Variants in UBR1 observed in about 807,000 individuals in gnomAD.
The protein encoded by UBR1 is E3 ubiquitin-protein ligase UBR1.
In UBR1, 102 loss-of-function variants were observed where a neutral mutation model predicts 242.1. The observed-to-expected ratio is 0.42, with a 90% CI of 0.36 to 0.50. UBR1 has a LOEUF of 0.50. UBR1 is among the 20% of genes least tolerant of loss of function. The pLI is 0.01. For missense variants in UBR1, 1,772 were observed against 2,101.8 expected (o/e 0.84, Z 3.07); for synonymous variants, 675 against 684.8 (o/e 0.99, Z 0.22).
intron 3 of UBR1, among the ~76,000 whole-genome samples, chr15:43,078,621 A>G (rs1398653100): frequency 1.3e-5 from 2 of 152,224 alleles, no homozygotes; most frequent in Non-Finnish European, 2.9e-5. Flanking sequence ...CATGGAGTCA[A>G]ACAAGCATTT....
intron 1 of UBR1, among the ~76,000 whole-genome samples, chr15:43,105,164 T>C (rs373767321): frequency 2.0e-5 from 3 of 152,210 alleles, no homozygotes; most frequent in Non-Finnish European, 2.9e-5. Flanking sequence ...CGGTGACAGA[T>C]ATTTGAATAT....
At chr15:43,036,034 C>T in intron 19 of UBR1, 144 bp downstream of exon 19, 2 of 619,156 alleles carry the variant, frequency 3.2e-6, no homozygotes, top group Non-Finnish European at 5.6e-6. Flanking sequence ...ACATATGTAA[C>T]TAACCTGCAC....
chr15:43,059,558 A>T (rs2033657448), intron 8 of UBR1, 144 bp downstream of exon 8: 1 of 986,772 alleles, frequency 1.0e-6, no homozygotes, highest in African/African-American at 1.7e-5. Flanking sequence ...TTTGAAATGC[A>T]ACCCTGAAAA....
At chr15:43,103,856 G>C (rs1245329620) in intron 1 of UBR1, among the ~76,000 whole-genome samples, 2 of 152,164 alleles carry the variant, frequency 1.3e-5, no homozygotes, top group African/African-American at 4.8e-5. Context: ...TAACAGCAAA[G>C]TAGTAAACTT....
rs546899002 is a variant in UBR1 at position 43,014,227 on chromosome 15, T to C, written c.3209+1461A>G. On this transcript the variant is annotated intron_variant, in intron 29 of 46. Coordinates refer to ENST00000290650, the MANE Select transcript of UBR1 (RefSeq NM_174916.3). ...GGAGTGCAGTGGCGTGATCTCGGCT[T>C]GCTACAACCTCCACCTCCCAGCCGC... 1.0e-3 allele frequency among the ~76,000 whole-genome samples: 159 copies of C among 152,284 alleles called. 2 individuals are homozygous for C. The South Asian group carries it at 0.025, about 24-fold the overall frequency.
intron 19 of UBR1, 117 bp from the exon 20 acceptor site, chr15:43,032,748 A>AT (rs1338783766): frequency 9.0e-5 from 56 of 623,636 alleles, no homozygotes; most frequent in South Asian, 9.2e-5. Flanking sequence ...CCAGTCCAGT[A>AT]TTTTTTTTGT....
At chr15:43,069,603 T>C (rs965571452) in intron 5 of UBR1, among the ~76,000 whole-genome samples, 1 of 152,176 alleles carries the variant, frequency 6.6e-6, no homozygotes, top group Non-Finnish European at 1.5e-5. Flanking sequence ...CAATATGTAA[T>C]ATACTTTTAC....
intron 26 of UBR1, among the ~76,000 whole-genome samples, chr15:43,022,330 T>C (rs1429445221): frequency 2.6e-5 from 4 of 151,802 alleles, no homozygotes; most frequent in Middle Eastern, 3.4e-3. Flanking sequence ...TCAGAAACAA[T>C]ATCTTATTAA....
In UBR1 at chr15:43,033,670, T is replaced by A. The variant is rs561707823; in HGVS notation, c.2191-1039A>T. On this transcript the variant is annotated intron_variant, in intron 19 of 46. Coordinates refer to ENST00000290650, the MANE Select transcript of UBR1 (RefSeq NM_174916.3). ...CTTCGTCTCAAAAAGGAAAAAAAAA[T>A]TTATATATTTATTTATTATTTTTCC... 7.9e-5 allele frequency among the ~76,000 whole-genome samples: 12 copies of A among 151,914 alleles called. No homozygotes were observed. The South Asian group carries it at 1.2e-3, about 16-fold the overall frequency.
intron 41 of UBR1, among the ~76,000 whole-genome samples, chr15:42,964,391 C>T (rs2032072319): frequency 6.6e-6 from 1 of 152,124 alleles, no homozygotes; most frequent in South Asian, 2.1e-4. Flanking sequence ...ATTGCTTGAA[C>T]CCGGGAGGTG....
intron 39 of UBR1, among the ~76,000 whole-genome samples, chr15:42,970,957 C>T (rs2032196174): frequency 6.6e-6 from 1 of 152,178 alleles, no homozygotes; most frequent in Non-Finnish European, 1.5e-5. Flanking sequence ...TCAAGTGATC[C>T]ACCTGCCTTG....
intron 33 of UBR1, among the ~76,000 whole-genome samples, chr15:42,992,922 C>T (rs1290553715): frequency 1.3e-5 from 2 of 152,252 alleles, no homozygotes; most frequent in Non-Finnish European, 2.9e-5. Context: ...CACAGGAGCT[C>T]CTTTTCCCAG....
chr15:42,975,918 A>G (rs925106613), intron 39 of UBR1, among the ~76,000 whole-genome samples: 3 of 152,116 alleles, frequency 2.0e-5, no homozygotes, highest in African/African-American at 7.2e-5. Context: ...GGGTCTCACC[A>G]TCTTGTGCAG....
chr15:42,992,271 C>T (rs537035599), intron 33 of UBR1, among the ~76,000 whole-genome samples: 5 of 152,242 alleles, frequency 3.3e-5, no homozygotes, highest in African/African-American at 1.2e-4. Flanking sequence ...TCAGGATTGG[C>T]ATTTGGTTGT....
At chr15:43,058,190 G>A (rs1000128592) in intron 10 of UBR1, 151 bp downstream of exon 10, 20 of 606,106 alleles carry the variant, frequency 3.3e-5, no homozygotes, top group African/African-American at 1.7e-4. Context: ...GATTACAGGC[G>A]TGAGCCAACC....
chr15:42,962,204 A>G (rs1006477039), intron 42 of UBR1, among the ~76,000 whole-genome samples: 13 of 152,162 alleles, frequency 8.5e-5, no homozygotes, highest in African/African-American at 3.1e-4. Flanking sequence ...AAACCATTCT[A>G]AGTATTTAAA....
At chr15:43,102,951 T>C (rs2034256220) in intron 1 of UBR1, among the ~76,000 whole-genome samples, 1 of 152,178 alleles carries the variant, frequency 6.6e-6, no homozygotes, top group African/African-American at 2.4e-5. Flanking sequence ...GATGGATCAC[T>C]TGAGGTCAGG....
rs537671049 is a variant in UBR1 at position 42,986,893 on chromosome 15, G to A, written c.3997+1926C>T. Among the ~76,000 whole-genome samples the A allele has an allele frequency of 6.6e-5, 10 of 152,294 alleles. 1 individual carries two copies. In the East Asian group the frequency reaches 1.2e-3, roughly 18 times the overall value. ...CCCCAGGAAGACACGGTCCCCACCC[G>A]GAGCTTCCCTGGGCTGCCTCGGCCC... On this transcript the variant is annotated intron_variant, in intron 35 of 46. Transcript: ENST00000290650.
At chr15:42,967,989 A>G (rs2032139272) in intron 40 of UBR1, among the ~76,000 whole-genome samples, 1 of 151,500 alleles carries the variant, frequency 6.6e-6, no homozygotes, top group Non-Finnish European at 1.5e-5. Context: ...ATATATGTAC[A>G]TATTGTATGT....
Sources: allele counts gnomAD v4.1 joint callset (sites outside exome capture counted in the v4.1 genomes callset), GRCh38; gene constraint gnomAD v4.1.1; transcripts MANE v1.5; gene names NCBI Gene and HGNC (gene_info 2026-07-23, HGNC 2026-07-21).